Variants in SLC43A3 observed in about 807,000 individuals in gnomAD.
The protein encoded by SLC43A3 is solute carrier family 43 member 3, also known as equilibrative nucleobase transporter 1.
SLC43A3 carries 33 observed loss-of-function variants against 53.3 expected under a neutral mutation model. That is an observed-to-expected ratio of 0.62 (90% CI 0.47 to 0.83). The LOEUF (loss-of-function observed/expected upper bound fraction) is 0.83, where lower values mean the gene tolerates loss of function less well. SLC43A3 is among the 40% of genes least tolerant of loss of function. The pLI is 0.00. For synonymous variants in SLC43A3, 236 were observed against 246.2 expected, an observed-to-expected ratio of 0.96 and a Z score of 0.39; for missense variants, 530 against 610.0, an observed-to-expected ratio of 0.87 and a Z score of 1.38.
intron 9 of SLC43A3, 140 bp from the exon 10 acceptor site, chr11:57,415,246 T>C: frequency 6.5e-7 from 1 of 1,538,050 alleles, no homozygotes; most frequent in Non-Finnish European, 8.7e-7. Flanking sequence ...CGGCGTGCTC[T>C]GCACCTGCCT....
At chr11:57,410,577 G>C (rs1465194419) in intron 11 of SLC43A3, among the ~76,000 whole-genome samples, 3 of 151,838 alleles carry the variant, frequency 2.0e-5, no homozygotes, top group Admixed American at 2.0e-4. Flanking sequence ...CCCAGGCAGT[G>C]GTTAAAAGGC....
chr11:57,417,621 G>T, intron 8 of SLC43A3, 127 bp downstream of exon 8: 2 of 1,075,222 alleles, frequency 1.9e-6, no homozygotes, highest in Non-Finnish European at 2.7e-6. Context: ...AGTTTGTTAT[G>T]CAGCAATAGC....
At chr11:57,412,671 G>A (rs1343851909) in intron 11 of SLC43A3, among the ~76,000 whole-genome samples, 1 of 152,068 alleles carries the variant, frequency 6.6e-6, no homozygotes, top group African/African-American at 2.4e-5. Context: ...AAATTAGCCA[G>A]GTAGTGGGTG....
intron 13 of SLC43A3, chr11:57,408,735 A>T (rs1942315212): frequency 6.1e-6 from 1 of 164,814 alleles, no homozygotes; most frequent in South Asian, 1.6e-4. Context: ...GTGCCTCTGA[A>T]CACGTAAGTA....
At position 57,425,637 on chromosome 11, in the gene SLC43A3, ATGAG is replaced by A; in HGVS notation, c.214_217del (p.Leu72SerfsTer8). 6.2e-7 allele frequency: 1 copy of A among 1,614,146 alleles called. No homozygotes were observed. On this transcript the variant is annotated frameshift_variant, in exon 4 of 14. Transcript: ENST00000395124. LOFTEE classifies it high-confidence loss of function. The stretch of plus-strand genomic sequence containing the variant: ...GTTCATGAAGGACCCCAGGGTGAAG[ATGAG>A]TGAGAACCTCTCATCCTGGGCTTTG...
chr11:57,421,258 C>A lies in SLC43A3; in HGVS notation c.438+39G>T, dbSNP rs777869367. ...GTCTCTCCTTCCCTCCACCTTCCCG[C>A]CACCCTGCCGAGTGCCTGGGATTAG... is the stretch of plus-strand genomic sequence containing the variant. On this transcript the variant is annotated intron_variant, in intron 6 of 13. Coordinates refer to ENST00000395124, the MANE Select transcript of SLC43A3 (RefSeq NM_199329.3). 16 of 1,552,338 alleles carry A rather than the reference C, an allele frequency of 1.0e-5. No homozygotes were observed. The East Asian group carries it at 3.4e-4, about 33-fold the overall frequency.
rs1234112704 is a variant in SLC43A3 at position 57,417,750 on chromosome 11, A to G, written c.669T>C (p.Tyr223=). The change falls in exon 8 of 14, where the codon TAT becomes TAC. Residue 223 remains tyrosine (Y), a splice_region_variant and synonymous_variant. Coordinates refer to ENST00000395124, the MANE Select transcript of SLC43A3 (RefSeq NM_199329.3). ...CACAATCACCAGATAGTCCTTACCC[A>G]TAGCTGTAGTTGGGGGGCAGTGGGT... The part of the protein sequence containing the change: ...IPYPLPPNYS[Y]GLCPGNGTTK... 1 of 1,614,096 alleles carries G rather than the reference A, an allele frequency of 6.2e-7. No individual in the cohort carries two copies. The highest frequency in any genetic ancestry group is 1.1e-5 in the South Asian group (1 of 91,080).
At chr11:57,425,719 G>T in intron 3 of SLC43A3, 49 bp from the exon 4 acceptor site, 3 of 1,609,204 alleles carry the variant, frequency 1.9e-6, no homozygotes, top group South Asian at 1.1e-5. Flanking sequence ...CCTGCCAAAT[G>T]AGCACACAGG....
intron 5 of SLC43A3, 77 bp from the exon 6 acceptor site, chr11:57,421,450 G>T: frequency 9.5e-7 from 1 of 1,055,828 alleles, no homozygotes; most frequent in Non-Finnish European, 1.4e-6. Context: ...GCTCCCACCT[G>T]CTCCAAATTC....
chr11:57,423,846 C>T, intron 5 of SLC43A3, 136 bp downstream of exon 5: 1 of 720,484 alleles, frequency 1.4e-6, no homozygotes, highest in Non-Finnish European at 2.4e-6. Context: ...AAGATCCTTC[C>T]AGGATTCTTT....
At chr11:57,415,308 T>C in intron 9 of SLC43A3, 1 of 1,523,964 alleles carries the variant, frequency 6.6e-7, no homozygotes, top group Non-Finnish European at 8.8e-7. Context: ...CCTACCACCT[T>C]GGATGACCCT....
At position 57,407,712 on chromosome 11, in the gene SLC43A3, T is replaced by A. The variant is rs1942265323; in HGVS notation, c.*80A>T. 30 of 793,678 alleles carry A rather than the reference T, an allele frequency of 3.8e-5. 1 individual carries two copies. Among genetic ancestry groups the A allele is most frequent in the Middle Eastern group, 4.6e-4 (2 of 4,344 alleles). The allele number at this position is 793,678 out of a possible 1,614,324, so 49.2% of individuals were successfully genotyped here. A position where few individuals can be genotyped will look rare whatever the true frequency, so the allele number is the denominator to read the frequency against. Reference sequence around the variant, plus strand: ...GTGTGTTTTGCTGGGATAGGCAAAGTCTTTTGGGACACGAGGTCCTCAAAG... The same window carrying A: ...GTGTGTTTTGCTGGGATAGGCAAAGACTTTTGGGACACGAGGTCCTCAAAG... On this transcript the variant is annotated 3_prime_UTR_variant, in exon 14 of 14. Coordinates refer to ENST00000395124, the MANE Select transcript of SLC43A3 (RefSeq NM_199329.3).
chr11:57,412,044 C>T (rs181092640), intron 11 of SLC43A3, among the ~76,000 whole-genome samples: 1 of 152,040 alleles, frequency 6.6e-6, no homozygotes. Flanking sequence ...AGTGACAACC[C>T]AGGAGCAATA....
intron 7 of SLC43A3, among the ~76,000 whole-genome samples, chr11:57,420,584 C>A (rs142833049): frequency 6.6e-6 from 1 of 152,232 alleles, no homozygotes; most frequent in South Asian, 2.1e-4. Context: ...GCTGTACCCA[C>A]TAGCCACTTG....
At chr11:57,420,696 C>T (rs964693733) in intron 7 of SLC43A3, among the ~76,000 whole-genome samples, 2 of 152,196 alleles carry the variant, frequency 1.3e-5, no homozygotes, top group Non-Finnish European at 2.9e-5. Flanking sequence ...ATGACCACTG[C>T]CACAAAAGCT....
rs140233489 is a variant in SLC43A3, at chr11:57,409,690, G to A, written c.1247+245C>T. ...AACTGAAACAGAAGTGGGCCTCAGA[G>A]GATGAATACGAGTTCACCAGGTAGA... On this transcript the variant is annotated intron_variant, in intron 12 of 13. Coordinates refer to ENST00000395124, the MANE Select transcript of SLC43A3 (RefSeq NM_199329.3). Among the ~76,000 whole-genome samples, 692 of 152,346 alleles carry A rather than the reference G, an allele frequency of 4.5e-3. 7 individuals carry two copies. Among genetic ancestry groups the A allele is most frequent in the African/African-American group, 0.016 (647 of 41,588 alleles).
At chr11:57,421,227 A>G in intron 6 of SLC43A3, 70 bp downstream of exon 6, 1 of 1,417,486 alleles carries the variant, frequency 7.1e-7, no homozygotes. Flanking sequence ...CCAATTATAG[A>G]AAAGGGTCTC....
At chr11:57,417,533 C>A (rs1005630126) in intron 8 of SLC43A3, among the ~76,000 whole-genome samples, 2 of 152,252 alleles carry the variant, frequency 1.3e-5, no homozygotes, top group Non-Finnish European at 1.5e-5. Flanking sequence ...TGGCCCTGAT[C>A]AGCGGAACTA....
At chr11:57,419,328 C>A (rs1346235269) in intron 7 of SLC43A3, among the ~76,000 whole-genome samples, 2 of 152,174 alleles carry the variant, frequency 1.3e-5, no homozygotes, top group African/African-American at 4.8e-5. Flanking sequence ...AGTTCCTCAA[C>A]AGCTCAGTTT....
Sources: allele counts gnomAD v4.1 joint callset (sites outside exome capture counted in the v4.1 genomes callset), GRCh38; gene constraint gnomAD v4.1.1; transcripts MANE v1.5; gene names NCBI Gene and HGNC (gene_info 2026-07-23, HGNC 2026-07-21).